CA5A: variants seen among roughly 807,000 people sequenced by gnomAD.
CA5A encodes the protein carbonic anhydrase 5A, also known as carbonic anhydrase 5A, mitochondrial.
In CA5A, 28 loss-of-function variants were observed where a neutral mutation model predicts 37.1. The ratio of observed to expected loss-of-function variants is 0.75; its 90% confidence interval spans 0.56 to 1.03. The LOEUF (loss-of-function observed/expected upper bound fraction) is 1.03, where lower values mean the gene tolerates loss of function less well. Among genes scored for constraint, CA5A ranks in the 50% least tolerant of loss-of-function variants. The pLI, the probability that CA5A is intolerant of heterozygous loss-of-function variation, is 0.00. For synonymous variants in CA5A, 171 were observed against 158.4 expected, an observed-to-expected ratio of 1.08 and a Z score of -0.60; for missense variants, 444 against 399.9, an observed-to-expected ratio of 1.11 and a Z score of -0.94.
intron 2 of CA5A, among the ~76,000 whole-genome samples, chr16:87,920,974 G>A (rs1027528542): frequency 1.3e-5 from 2 of 151,514 alleles, no homozygotes; most frequent in East Asian, 3.9e-4. Flanking sequence ...TGTATTTTTT[G>A]TAGAGATGGG....
chr16:87,897,900 G>A (rs1377897672), intron 5 of CA5A, among the ~76,000 whole-genome samples: 3 of 152,180 alleles, frequency 2.0e-5, no homozygotes, highest in Admixed American at 2.0e-4. Context: ...CCCTTCCGCC[G>A]AGGTGTAGGG....
intron 2 of CA5A, among the ~76,000 whole-genome samples, chr16:87,908,561 G>A (rs1306550612): frequency 6.6e-6 from 1 of 152,198 alleles, no homozygotes; most frequent in African/African-American, 2.4e-5. Flanking sequence ...GCCGATGCCT[G>A]CCGGATCCCC....
intron 2 of CA5A, chr16:87,924,276 G>A: frequency 1.0e-6 from 1 of 985,472 alleles, no homozygotes; most frequent in Non-Finnish European, 1.2e-6. Context: ...GGGTTGCAGT[G>A]GAGCCTGATG....
chr16:87,926,334 C>G (rs1326081051), intron 2 of CA5A, among the ~76,000 whole-genome samples: 3 of 152,240 alleles, frequency 2.0e-5, no homozygotes, highest in Admixed American at 2.0e-4. Context: ...ACCCAACTTC[C>G]TTGCAGGCCT....
chr16:87,892,890 G>A (rs979121943), intron 5 of CA5A: 31 of 452,464 alleles, frequency 6.9e-5, no homozygotes, highest in African/African-American at 3.3e-4. Flanking sequence ...TCCTGACCTC[G>A]GATGATCCAC....
intron 6 of CA5A, among the ~76,000 whole-genome samples, chr16:87,890,252 C>G (rs1419726156): frequency 6.6e-6 from 1 of 152,196 alleles, no homozygotes; most frequent in Non-Finnish European, 1.5e-5. Context: ...TCCACACCTG[C>G]CCCCCTCCCA....
chr16:87,882,411 G>T (rs2055615424), intron 4 of CA5A: 1 of 152,200 alleles, frequency 6.6e-6, no homozygotes, highest in Non-Finnish European at 1.5e-5. Context: ...TGGCCTAGCG[G>T]GTCAGCGACA....
chr16:87,906,771 G>C (rs890136315), intron 2 of CA5A, among the ~76,000 whole-genome samples: 6 of 152,210 alleles, frequency 3.9e-5, no homozygotes, highest in African/African-American at 1.2e-4. Flanking sequence ...CAAAATCTCA[G>C]TGTTGGTCTG....
At chr16:87,905,212 C>T (rs1362924936) in intron 2 of CA5A, among the ~76,000 whole-genome samples, 1 of 151,956 alleles carries the variant, frequency 6.6e-6, no homozygotes, top group Non-Finnish European at 1.5e-5. Flanking sequence ...CCGTAAAGAA[C>T]GTTTCTGTGA....
intron 2 of CA5A, among the ~76,000 whole-genome samples, chr16:87,921,662 G>C (rs1211596302): frequency 5.3e-5 from 8 of 152,142 alleles, no homozygotes; most frequent in African/African-American, 1.7e-4. Flanking sequence ...CGCTCCCAAG[G>C]AAAACAGGAA....
At chr16:87,897,754 G>A (rs573979256) in intron 5 of CA5A, among the ~76,000 whole-genome samples, 3 of 152,298 alleles carry the variant, frequency 2.0e-5, no homozygotes, top group South Asian at 4.1e-4. Context: ...CTGTGTGCTC[G>A]GGCAAGGCCT....
At chr16:87,895,901 T>C (rs1431341390) in intron 5 of CA5A, among the ~76,000 whole-genome samples, 2 of 152,188 alleles carry the variant, frequency 1.3e-5, no homozygotes, top group Non-Finnish European at 2.9e-5. Context: ...TGACATCCCA[T>C]TGCACGCTCT....
At chr16:87,892,813 G>A (rs1166279723) in intron 5 of CA5A, 9 of 266,400 alleles carry the variant, frequency 3.4e-5, no homozygotes, top group Non-Finnish European at 5.6e-5. Flanking sequence ...CTGCCACCAC[G>A]CCCAGCTAAT....
Position 87,904,834 on chromosome 16 carries a change from G to C in CA5A, c.411C>G (p.Asn137Lys). The change falls in exon 3 of 7, where the codon AAC becomes AAG. Residue 137 changes from asparagine to lysine, a missense_variant. Coordinates refer to ENST00000649794, the MANE Select transcript of CA5A (RefSeq NM_001739.2). ...KQFHFHWGAV[N>K]EGGSEHTVDG... ...CCACTGTGTGCTCTGAGCCCCCCTCGTTCACTGCTCCCCAGTGGAAGTGAA... is the reference window on the plus strand; with the variant it reads ...CCACTGTGTGCTCTGAGCCCCCCTCCTTCACTGCTCCCCAGTGGAAGTGAA... 6.2e-7 allele frequency: 1 copy of C among 1,613,468 alleles called. No homozygotes were observed. Among genetic ancestry groups the C allele is most frequent in the Non-Finnish European group, 8.5e-7 (1 of 1,179,454 alleles).
In CA5A at chr16:87,902,438, C is replaced by G. The variant is rs2055892266; in HGVS notation, c.542G>C (p.Gly181Ala). ...VVGENGLAVI[G>A]VFLKLGAHHQ... ...GCAAGTGATTACCTTTAAAAACACGCCTATCACAGCCAAACCATTCTCTCC... is the reference window on the plus strand; with the variant it reads ...GCAAGTGATTACCTTTAAAAACACGGCTATCACAGCCAAACCATTCTCTCC... Residue 181 changes from glycine (G) to alanine (A), a missense_variant, in exon 4 of 7, where the codon GGC becomes GCC. By Grantham distance (60) the Gly-to-Ala change is moderately conservative. Transcript: ENST00000649794. 6.2e-7 allele frequency: 1 copy of G among 1,608,218 alleles called. No homozygotes were observed. The highest frequency in any genetic ancestry group is 1.3e-5 in the African/African-American group (1 of 74,802).
intron 5 of CA5A, among the ~76,000 whole-genome samples, chr16:87,893,917 C>T (rs907743408): frequency 4.6e-5 from 7 of 152,068 alleles, no homozygotes; most frequent in South Asian, 2.1e-4. Context: ...GGACACCACA[C>T]CAGGGTTTAA....
At chr16:87,930,919 T>C (rs1229503358) in intron 1 of CA5A, among the ~76,000 whole-genome samples, 1 of 151,746 alleles carries the variant, frequency 6.6e-6, no homozygotes. Context: ...TTTTGTATTT[T>C]TAGTAGAGAC....
intron 2 of CA5A, among the ~76,000 whole-genome samples, chr16:87,909,176 C>T (rs556131826): frequency 2.0e-5 from 3 of 152,016 alleles, no homozygotes; most frequent in African/African-American, 7.2e-5. Flanking sequence ...GGCCGGATCC[C>T]CCGCCTCTCT....
At chr16:87,913,955 G>C (rs140762605) in intron 2 of CA5A, among the ~76,000 whole-genome samples, 1 of 152,346 alleles carries the variant, frequency 6.6e-6, no homozygotes, top group Non-Finnish European at 1.5e-5. Context: ...ACCACAAGAG[G>C]CGTGGGGAGC....
Sources: allele counts gnomAD v4.1 joint callset (sites outside exome capture counted in the v4.1 genomes callset), GRCh38; gene constraint gnomAD v4.1.1; transcripts MANE v1.5; gene names NCBI Gene and HGNC (gene_info 2026-07-23, HGNC 2026-07-21).